MICAL2: variants seen among roughly 807,000 people sequenced by gnomAD.
MICAL2 encodes [F-actin]-monooxygenase MICAL2.
MICAL2 carries 77 observed loss-of-function variants against 127.3 expected under a neutral mutation model. That is an observed-to-expected ratio of 0.60 (90% CI 0.50 to 0.73). The LOEUF (loss-of-function observed/expected upper bound fraction) is 0.73, where lower values mean the gene tolerates loss of function less well. Ranked by LOEUF, MICAL2 falls within the 30% of genes least tolerant of loss-of-function variation. The pLI, the probability that MICAL2 is intolerant of heterozygous loss-of-function variation, is 0.00. For missense variants in MICAL2, 1,351 were observed against 1,434.4 expected (o/e 0.94, Z 0.94); for synonymous variants, 570 against 551.1 (o/e 1.03, Z -0.48).
At chr11:12,125,970 G>T (rs1374511057) in intron 1 of MICAL2, among the ~76,000 whole-genome samples, 2 of 152,144 alleles carry the variant, frequency 1.3e-5, no homozygotes, top group African/African-American at 2.4e-5. Context: ...TTGAGTCAGG[G>T]CTCTGCAGCC....
At chr11:12,287,366 T>G (rs1863838354), downstream of MICAL2, 1 of 371,298 alleles carries the variant, frequency 2.7e-6, no homozygotes, top group Non-Finnish European at 4.8e-6. Context: ...ACTCAAGATC[T>G]TCCCATCCCC....
intron 6 of MICAL2, among the ~76,000 whole-genome samples, chr11:12,211,389 AC>A (rs1855441572): frequency 6.6e-6 from 1 of 152,222 alleles, no homozygotes; most frequent in Non-Finnish European, 1.5e-5. Context: ...TCAGAAAAAA[AC>A]AAAACAAAAC....
In MICAL2 at chr11:12,208,007, C is replaced by T. The variant is rs758296203; in HGVS notation, c.473-16C>T. 4 of 1,596,616 alleles carry T rather than the reference C, an allele frequency of 2.5e-6. No homozygotes were observed. The South Asian group carries it at 3.3e-5, about 13-fold the overall frequency. ...GGTATTGCTGTGACAGTTCCTCTCTCCTTCCTGCCTGACAGGTATTCGCCA... is the reference window on the plus strand; with the variant it reads ...GGTATTGCTGTGACAGTTCCTCTCTTCTTCCTGCCTGACAGGTATTCGCCA... On this transcript the variant is annotated splice_polypyrimidine_tract_variant and intron_variant, in intron 4 of 27. Transcript: ENST00000683283.
chr11:12,360,254 A>C (rs772131879), downstream of MICAL2, among the ~76,000 whole-genome samples: 9 of 152,026 alleles, frequency 5.9e-5, no homozygotes, highest in Non-Finnish European at 1.2e-4. Flanking sequence ...TTATTTGTGT[A>C]TTGGTGAGAA....
intron 17 of MICAL2, among the ~76,000 whole-genome samples, chr11:12,240,610 A>C (rs1325612610): frequency 6.6e-6 from 1 of 152,152 alleles, no homozygotes; most frequent in Admixed American, 6.5e-5. Flanking sequence ...CACAGTCCCC[A>C]AGTGCTGATG....
intron 3 of MICAL2, among the ~76,000 whole-genome samples, chr11:12,165,365 A>G (rs1318234042): frequency 6.6e-6 from 1 of 152,160 alleles, no homozygotes; most frequent in East Asian, 1.9e-4. Context: ...TCCAACATGA[A>G]CAGACACTGT....
chr11:12,302,392 C>A (rs149652350), intron 29 of MICAL2, among the ~76,000 whole-genome samples: 2 of 152,136 alleles, frequency 1.3e-5, no homozygotes, highest in Non-Finnish European at 2.9e-5. Flanking sequence ...GGAATGAGAG[C>A]TCCCCTTGCT....
At chr11:12,222,509 A>C (rs1250031292) in intron 10 of MICAL2, 108 bp from the exon 11 acceptor site, 5 of 1,430,332 alleles carry the variant, frequency 3.5e-6, no homozygotes, top group African/African-American at 1.4e-5. Flanking sequence ...TTAGACAAAC[A>C]TGTCCAGGAA....
intron 2 of MICAL2, 105 bp from the exon 3 acceptor site, chr11:12,161,974 A>T: frequency 1.5e-6 from 1 of 673,978 alleles, no homozygotes; most frequent in Non-Finnish European, 2.5e-6. Flanking sequence ...TAGTGTGGTT[A>T]ATATTTGAAT....
chr11:12,322,414 C>T (rs755461324), intron 30 of MICAL2, among the ~76,000 whole-genome samples: 9 of 152,092 alleles, frequency 5.9e-5, no homozygotes, highest in Non-Finnish European at 1.3e-4. Flanking sequence ...GTAGTCATCT[C>T]ATGGAAACAG....
downstream of MICAL2, chr11:12,294,403 C>A (rs1863948821): frequency 2.5e-6 from 4 of 1,614,186 alleles, no homozygotes; most frequent in Middle Eastern, 3.3e-4. Flanking sequence ...AAGACGGGGA[C>A]CAGCATTCCC....
At chr11:12,204,095 G>A (rs1245818183) in intron 3 of MICAL2, among the ~76,000 whole-genome samples, 155 bp from the exon 4 acceptor site, 1 of 152,234 alleles carries the variant, frequency 6.6e-6, no homozygotes. Context: ...GGTACATTGG[G>A]TGGATGAATG....
In MICAL2 at chr11:12,255,655, A is replaced by C. The variant is rs748696171; in HGVS notation, c.2860A>C (p.Lys954Gln). 6.2e-7 allele frequency: 1 copy of C among 1,613,994 alleles called. No homozygotes were observed. Among genetic ancestry groups the C allele is most frequent in the Non-Finnish European group, 8.5e-7 (1 of 1,179,962 alleles). Residue 954 changes from lysine (K) to glutamine (Q), a missense_variant, in exon 23 of 28, where the codon AAA becomes CAA. This residue lies in a region of MICAL2 where 752 missense variants were observed against 719.4 expected (regional missense o/e 1.05). Coordinates refer to ENST00000683283, the MANE Select transcript of MICAL2 (RefSeq NM_001282663.2). ...TGCTCTTGGTTAGCTGACGGTAGGG[A>C]AAGTGTCCAGCGGAATAGGGGCTGC... ...RTVHPQLTVG[K>Q]VSSGIGAAAE... is the part of the protein sequence containing the mutation.
At chr11:12,130,666 C>T (rs1851339196) in intron 1 of MICAL2, among the ~76,000 whole-genome samples, 1 of 152,230 alleles carries the variant, frequency 6.6e-6, no homozygotes, top group African/African-American at 2.4e-5. Context: ...TCAGGTCCTA[C>T]AACCTCGGCT....
chr11:12,314,580 G>T (rs150785195), intron 29 of MICAL2, among the ~76,000 whole-genome samples: 1 of 150,972 alleles, frequency 6.6e-6, no homozygotes, highest in Admixed American at 6.6e-5. Flanking sequence ...CTGGGTTCAC[G>T]CCATTCCCCT....
At chr11:12,249,719 C>T (rs3794077) in intron 22 of MICAL2, among the ~76,000 whole-genome samples, 12,318 of 152,276 alleles carry the variant, frequency 0.081, 748 homozygotes, top group East Asian at 0.33. Context: ...TGGGCTTGCT[C>T]GATGCTCCTG....
intron 29 of MICAL2, among the ~76,000 whole-genome samples, chr11:12,312,954 C>T (rs1175049798): frequency 2.0e-5 from 3 of 151,988 alleles, no homozygotes; most frequent in African/African-American, 7.3e-5. Flanking sequence ...ATCACAAGGT[C>T]AGGAGATCGA....
At chr11:12,317,885 G>A (rs558065900) in intron 29 of MICAL2, among the ~76,000 whole-genome samples, 1 of 152,092 alleles carries the variant, frequency 6.6e-6, no homozygotes, top group African/African-American at 2.4e-5. Context: ...CTTTCTTGCC[G>A]GAAGTGTAAG....
chr11:12,200,273 A>G lies in MICAL2; in HGVS notation c.265-3977A>G, dbSNP rs933871074. The stretch of plus-strand genomic sequence containing the variant: ...GCGCGGGGCAGGAGCTTAAAATCTC[A>G]TTGAGTTTTAATGAAAAGCTTTCCT... On this transcript the variant is annotated intron_variant, in intron 3 of 27. Transcript: ENST00000683283. Among the ~76,000 whole-genome samples, 8 of 152,282 alleles carry G rather than the reference A, an allele frequency of 5.3e-5. 2 individuals carry two copies. Among genetic ancestry groups the G allele is most frequent in the Admixed American group, 1.3e-4 (2 of 15,304 alleles).
Sources: allele counts gnomAD v4.1 joint callset (sites outside exome capture counted in the v4.1 genomes callset), GRCh38; gene constraint gnomAD v4.1.1; regional missense constraint gnomAD v4.1.1; transcripts MANE v1.5; gene names NCBI Gene and HGNC (gene_info 2026-07-23, HGNC 2026-07-21).